The following TMEM38B variants were observed in gnomAD, a reference collection of about 807,000 sequenced individuals.
The protein encoded by TMEM38B is trimeric intracellular cation channel type B.
In TMEM38B, 24 loss-of-function variants were observed where a neutral mutation model predicts 28.7. That is an observed-to-expected ratio of 0.84 (90% CI 0.61 to 1.18). The LOEUF (loss-of-function observed/expected upper bound fraction) is 1.18. Ranked by LOEUF, TMEM38B falls within the 50% of genes most tolerant of loss-of-function variation. TMEM38B has a pLI of 0.00. For missense variants in TMEM38B, 380 were observed against 350.9 expected, an observed-to-expected ratio of 1.08 and a Z score of -0.66; for synonymous variants, 131 against 127.7, an observed-to-expected ratio of 1.03 and a Z score of -0.17.
chr9:105,715,427 G>GGT, intron 2 of TMEM38B, among the ~76,000 whole-genome samples: 1 of 151,348 alleles, frequency 6.6e-6, no homozygotes, highest in Non-Finnish European at 1.5e-5. Context: ...TCTTCTACAT[G>GGT]GTGTGTTCTT....
chr9:105,733,642 CTT>C, intron 4 of TMEM38B, among the ~76,000 whole-genome samples: 2 of 151,914 alleles, frequency 1.3e-5, no homozygotes, highest in South Asian at 2.1e-4. Flanking sequence ...ATTCCAGTCT[CTT>C]TGTTTGTTAT....
chr9:105,764,155 C>A (rs879813701), intron 5 of TMEM38B, among the ~76,000 whole-genome samples: 963 of 146,924 alleles, frequency 6.6e-3, no homozygotes, highest in African/African-American at 0.013. Context: ...GGAAGCATTC[C>A]CTTTGAAAAC....
intron 4 of TMEM38B, among the ~76,000 whole-genome samples, chr9:105,735,343 G>C (rs1176132435): frequency 6.6e-6 from 1 of 152,098 alleles, no homozygotes; most frequent in Non-Finnish European, 1.5e-5. Context: ...TACAGCACTG[G>C]GGTATTTTGA....
chr9:105,729,740 G>A (rs1836661843), intron 4 of TMEM38B, among the ~76,000 whole-genome samples: 1 of 152,024 alleles, frequency 6.6e-6, no homozygotes, highest in Non-Finnish European at 1.5e-5. Context: ...ATTTGTTTGT[G>A]TCCTCTTTTA....
At chr9:105,700,615 A>G (rs1362753986) in intron 1 of TMEM38B, among the ~76,000 whole-genome samples, 1 of 152,126 alleles carries the variant, frequency 6.6e-6, no homozygotes, top group Non-Finnish European at 1.5e-5. Context: ...GTCACTTGAC[A>G]TGGTTATTTT....
rs1835209612 is a variant in TMEM38B, at chr9:105,694,632, T to TGCTTCGGTTGCCGCGGTC, written c.-27_-10dup. The TGCTTCGGTTGCCGCGGTC allele has an allele frequency of 6.3e-7, 1 of 1,587,586 alleles. No individual in the cohort carries two copies. The highest frequency in any genetic ancestry group is 1.3e-5 in the African/African-American group (1 of 74,308). ...AGCGCGGGGAACCAGTAGCCGCGGCTGCTTCGGTTGCCGCGGTCGGTGGTC... is the reference window on the plus strand; with the variant it reads ...AGCGCGGGGAACCAGTAGCCGCGGCTGCTTCGGTTGCCGCGGTCGCTTCGGTTGCCGCGGTCGGTGGTC... On this transcript the variant is annotated 5_prime_UTR_variant, in exon 1 of 6. Coordinates refer to ENST00000374692, the MANE Select transcript of TMEM38B (RefSeq NM_018112.3).
At chr9:105,713,084 T>C (rs767865063) in intron 2 of TMEM38B, among the ~76,000 whole-genome samples, 1 of 152,160 alleles carries the variant, frequency 6.6e-6, no homozygotes, top group Admixed American at 6.5e-5. Flanking sequence ...CCCTTCCAAG[T>C]TGGTGGGGCT....
chr9:105,754,098 A>AAT (rs1311870875), intron 5 of TMEM38B, among the ~76,000 whole-genome samples: 3 of 151,852 alleles, frequency 2.0e-5, no homozygotes, highest in African/African-American at 4.8e-5. Context: ...AAGGATTCTA[A>AAT]ATATATATGA....
chr9:105,726,693 T>C (rs1474719517), intron 4 of TMEM38B, among the ~76,000 whole-genome samples: 1 of 152,164 alleles, frequency 6.6e-6, no homozygotes, highest in African/African-American at 2.4e-5. Context: ...CCTAGTACTA[T>C]GGGAGGCTGT....
At chr9:105,737,414 C>T (rs115034837) in intron 4 of TMEM38B, among the ~76,000 whole-genome samples, 3,302 of 152,250 alleles carry the variant, frequency 0.022, 135 homozygotes, top group African/African-American at 0.076. Flanking sequence ...GCAGTGGGGA[C>T]TCTGGACCCT....
intron 1 of TMEM38B, among the ~76,000 whole-genome samples, chr9:105,699,791 C>T (rs193157210): frequency 3.5e-4 from 53 of 152,142 alleles, no homozygotes; most frequent in East Asian, 1.7e-3. Context: ...TGAACCCTTG[C>T]GTGTGATTGG....
At chr9:105,710,277 A>G (rs1248587409) in intron 2 of TMEM38B, 1 of 634,410 alleles carries the variant, frequency 1.6e-6, no homozygotes, top group Non-Finnish European at 2.9e-6. Context: ...TGGATATTCC[A>G]GCTACAGTTT....
chr9:105,714,853 G>C (rs1393956288), intron 2 of TMEM38B, among the ~76,000 whole-genome samples: 1 of 152,162 alleles, frequency 6.6e-6, no homozygotes, highest in African/African-American at 2.4e-5. Flanking sequence ...CACAATTTGA[G>C]TGCTAGAGAC....
At chr9:105,769,850 G>A (rs763849383) in intron 5 of TMEM38B, among the ~76,000 whole-genome samples, 7 of 152,132 alleles carry the variant, frequency 4.6e-5, no homozygotes, top group Non-Finnish European at 1.0e-4. Context: ...TGAGACAGGA[G>A]TGAGGACAGA....
rs945424084 is a variant in TMEM38B, at chr9:105,749,552, T to A, written c.660+1362T>A. Among the ~76,000 whole-genome samples, 29 of 152,236 alleles carry A rather than the reference T, an allele frequency of 1.9e-4. 1 individual carries two copies. The highest frequency in any genetic ancestry group is 1.6e-3 in the Admixed American group (25 of 15,278). ...TTTGAGAGTGGAGATATGAGTGATG[T>A]ATGGTTTGAGCCAAACCATATCACA... On this transcript the variant is annotated intron_variant, in intron 5 of 5. Transcript: ENST00000374692.
intron 2 of TMEM38B, among the ~76,000 whole-genome samples, chr9:105,707,988 A>G (rs562053877): frequency 6.6e-6 from 1 of 152,296 alleles, no homozygotes; most frequent in Admixed American, 6.5e-5. Flanking sequence ...ACAAAAAGGA[A>G]GATATCCAGA....
At chr9:105,732,398 A>T (rs1276281617) in intron 4 of TMEM38B, among the ~76,000 whole-genome samples, 1 of 152,176 alleles carries the variant, frequency 6.6e-6, no homozygotes, top group Non-Finnish European at 1.5e-5. Flanking sequence ...CTTTGTCCTG[A>T]ATGGTATTGC....
intron 4 of TMEM38B, among the ~76,000 whole-genome samples, chr9:105,735,122 A>G (rs1314870774): frequency 6.6e-6 from 1 of 152,124 alleles, no homozygotes; most frequent in Non-Finnish European, 1.5e-5. Context: ...GTTAAAACAG[A>G]CTATTAGACT....
At chr9:105,749,794 C>G (rs1301779151) in intron 5 of TMEM38B, among the ~76,000 whole-genome samples, 5 of 152,120 alleles carry the variant, frequency 3.3e-5, no homozygotes, top group African/African-American at 1.2e-4. Context: ...GATTGTGTCA[C>G]TTTTTGGCTA....
Sources: allele counts gnomAD v4.1 joint callset (sites outside exome capture counted in the v4.1 genomes callset), GRCh38; gene constraint gnomAD v4.1.1; transcripts MANE v1.5; gene names NCBI Gene and HGNC (gene_info 2026-07-23, HGNC 2026-07-21).